Variants in NEK11 observed in about 807,000 individuals in gnomAD.
NEK11 encodes NIMA related kinase 11, also known as serine/threonine-protein kinase Nek11.
Under a neutral mutation model 80.7 loss-of-function variants are expected in NEK11, and 72 were observed. That is an observed-to-expected ratio of 0.89 (90% CI 0.74 to 1.08). The LOEUF is 1.08. NEK11 is among the 50% of genes least tolerant of loss of function. The probability of loss-of-function intolerance (pLI) is 0.00; values close to 1 mark genes in which losing one functional copy is unlikely to be tolerated. For synonymous variants in NEK11, 251 were observed against 260.7 expected, an observed-to-expected ratio of 0.96 and a Z score of 0.36; for missense variants, 764 against 763.6, an observed-to-expected ratio of 1.00 and a Z score of -0.01.
chr3:131,330,239 G>C (rs2097054132), intron 17 of NEK11: 1 of 152,218 alleles, frequency 6.6e-6, no homozygotes, highest in African/African-American at 2.4e-5. Flanking sequence ...AAACAGAAAT[G>C]GGGAAGACTG....
intron 17 of NEK11, among the ~76,000 whole-genome samples, chr3:131,297,653 A>G (rs1473668661): frequency 6.6e-6 from 1 of 151,982 alleles, no homozygotes; most frequent in East Asian, 1.9e-4. Context: ...GCTGTGCAGA[A>G]GCTCTTTAGT....
At chr3:131,088,955 C>A (rs2076371372) in intron 4 of NEK11, among the ~76,000 whole-genome samples, 1 of 152,166 alleles carries the variant, frequency 6.6e-6, no homozygotes, top group Admixed American at 6.5e-5. Context: ...GATCTCCTCC[C>A]TCACTGCCTT....
intron 4 of NEK11, among the ~76,000 whole-genome samples, chr3:131,100,583 T>A (rs922776001): frequency 7.9e-5 from 11 of 138,808 alleles, no homozygotes; most frequent in African/African-American, 3.4e-4. Context: ...ATAAATAAAT[T>A]AATTAAGCCT....
intron 17 of NEK11, among the ~76,000 whole-genome samples, chr3:131,337,406 A>G (rs2097203907): frequency 6.7e-6 from 1 of 150,210 alleles, no homozygotes. Flanking sequence ...ATAGGTGGGA[A>G]TTGAACAATG....
intron 14 of NEK11, chr3:131,174,986 G>A: frequency 7.3e-7 from 1 of 1,372,356 alleles, no homozygotes; most frequent in Admixed American, 3.4e-5. Context: ...CCAATGCTCA[G>A]AGATAGCTCA....
intron 4 of NEK11, among the ~76,000 whole-genome samples, chr3:131,098,393 C>T (rs1191994515): frequency 6.6e-6 from 1 of 152,122 alleles, no homozygotes; most frequent in Non-Finnish European, 1.5e-5. Flanking sequence ...AGAAAATTTT[C>T]ACAACCTACT....
chr3:131,199,044 G>C (rs2094133813), intron 14 of NEK11, among the ~76,000 whole-genome samples: 1 of 152,098 alleles, frequency 6.6e-6, no homozygotes, highest in South Asian at 2.1e-4. Context: ...TATTTAACCT[G>C]CTATGAGCAG....
intron 4 of NEK11, among the ~76,000 whole-genome samples, chr3:131,099,496 C>G (rs1359255738): frequency 6.6e-6 from 1 of 151,700 alleles, no homozygotes; most frequent in Non-Finnish European, 1.5e-5. Flanking sequence ...TTTTCTAATT[C>G]TGTGAAGAAT....
chr3:131,305,130 C>T (rs910907834), intron 17 of NEK11, among the ~76,000 whole-genome samples: 20 of 151,004 alleles, frequency 1.3e-4, no homozygotes, highest in Admixed American at 4.0e-4. Flanking sequence ...ACGCTCACAC[C>T]AGCAGAAGCA....
intron 14 of NEK11, among the ~76,000 whole-genome samples, chr3:131,214,119 A>T (rs1256387120): frequency 6.6e-6 from 1 of 152,246 alleles, no homozygotes; most frequent in Non-Finnish European, 1.5e-5. Context: ...AAACTGTGAG[A>T]AATAAATTTC....
At chr3:131,186,297 G>A (rs997876625) in intron 14 of NEK11, among the ~76,000 whole-genome samples, 3 of 151,980 alleles carry the variant, frequency 2.0e-5, no homozygotes, top group African/African-American at 7.3e-5. Flanking sequence ...AATCACTTTG[G>A]CTGATTAGTT....
At chr3:131,208,321 A>G (rs912255830) in intron 14 of NEK11, among the ~76,000 whole-genome samples, 6 of 152,092 alleles carry the variant, frequency 3.9e-5, no homozygotes, top group South Asian at 2.1e-4. Context: ...CCAATGATCT[A>G]TATCTCTGTT....
chr3:131,094,896 G>C lies in NEK11; in HGVS notation c.336+14308G>C, dbSNP rs1578174846. 5.3e-5 allele frequency among the ~76,000 whole-genome samples: 8 copies of C among 152,106 alleles called. 2 individuals carry two copies. Among genetic ancestry groups the C allele is most frequent in the Admixed American group, 5.2e-4 (8 of 15,264 alleles). On this transcript the variant is annotated intron_variant, in intron 4 of 17. Transcript: ENST00000383366. ...CTGCCAGTATTTTTTAAAATAATTG[G>C]GATTATTTTCTCTCTCCTGTGATGA...
chr3:131,150,944 T>G (rs2149796107), intron 7 of NEK11, among the ~76,000 whole-genome samples: 1 of 152,108 alleles, frequency 6.6e-6, no homozygotes, highest in African/African-American at 2.4e-5. Flanking sequence ...TGAAGGACTG[T>G]TTTTTCTGGG....
intron 3 of NEK11, among the ~76,000 whole-genome samples, chr3:131,042,435 T>G (rs897435460): frequency 2.0e-5 from 3 of 152,104 alleles, no homozygotes; most frequent in Admixed American, 2.0e-4. Context: ...GGGAGGGGTG[T>G]TCACCATTAC....
chr3:131,061,815 G>A lies in NEK11; in HGVS notation c.171-18608G>A, dbSNP rs552413088. Reference sequence around the variant, plus strand: ...GGGCCAGACTAAGGACAACCTCCCTGCCATCACTGGTGCTGGGGCCCATGG... The same window carrying A: ...GGGCCAGACTAAGGACAACCTCCCTACCATCACTGGTGCTGGGGCCCATGG... On this transcript the variant is annotated intron_variant, in intron 3 of 17. Transcript: ENST00000383366. 2.3e-3 allele frequency among the ~76,000 whole-genome samples: 348 copies of A among 152,106 alleles called. 8 individuals are homozygous for A. Among genetic ancestry groups the A allele is most frequent in the Non-Finnish European group, 2.9e-3 (197 of 68,000 alleles).
intron 11 of NEK11, 134 bp downstream of exon 11, chr3:131,162,661 C>A: frequency 1.0e-6 from 1 of 954,376 alleles, no homozygotes; most frequent in Non-Finnish European, 1.6e-6. Flanking sequence ...TTTATTCATT[C>A]ACTTGTTCAC....
intron 3 of NEK11, among the ~76,000 whole-genome samples, chr3:131,069,288 T>C (rs16835656): frequency 0.01 from 1,539 of 152,320 alleles, 21 homozygotes; most frequent in East Asian, 0.074. Context: ...CTCAATTTGT[T>C]ACTGTATCTT....
chr3:131,273,615 T>G, intron 17 of NEK11, 41 bp downstream of exon 17: 1 of 1,437,118 alleles, frequency 7.0e-7, no homozygotes. Context: ...GGTGCAGTGT[T>G]AAAGCATATT....
Sources: allele counts gnomAD v4.1 joint callset (sites outside exome capture counted in the v4.1 genomes callset), GRCh38; gene constraint gnomAD v4.1.1; transcripts MANE v1.5; gene names NCBI Gene and HGNC (gene_info 2026-07-23, HGNC 2026-07-21).